Variants in TMEM132D observed in about 807,000 individuals in gnomAD.
TMEM132D encodes the protein transmembrane protein 132D, also known as mature OL transmembrane protein.
Under a neutral mutation model 62.3 loss-of-function variants are expected in TMEM132D, and 21 were observed. The observed-to-expected ratio is 0.34, with a 90% CI of 0.24 to 0.49. TMEM132D has a LOEUF of 0.49. Among genes scored for constraint, TMEM132D ranks in the 20% least tolerant of loss-of-function variants. TMEM132D has a pLI of 0.99. For synonymous variants in TMEM132D, 621 were observed against 575.6 expected (o/e 1.08, Z -1.13); for missense variants, 1,346 against 1,402.8 (o/e 0.96, Z 0.65).
chr12:129,817,595 GT>G (rs1435015699), intron 1 of TMEM132D, among the ~76,000 whole-genome samples: 2 of 10,198 alleles, frequency 2.0e-4, no homozygotes, highest in South Asian at 3.6e-3. Flanking sequence ...ATAAGATGGT[GT>G]GTGTGTGTGT....
intron 3 of TMEM132D, among the ~76,000 whole-genome samples, chr12:129,454,197 C>G (rs1293850551): frequency 6.6e-6 from 1 of 152,196 alleles, no homozygotes; most frequent in Non-Finnish European, 1.5e-5. Flanking sequence ...ATGCACTTAA[C>G]TGAATGACAG....
At position 129,087,935 on chromosome 12, in the gene TMEM132D, C is replaced by T. The variant is rs1413458287; in HGVS notation, c.1444-3233G>A. Among the ~76,000 whole-genome samples, 119 of 98,774 alleles carry T rather than the reference C, an allele frequency of 1.2e-3. 3 individuals are homozygous for T. Among genetic ancestry groups the T allele is most frequent in the African/African-American group, 4.7e-3 (112 of 23,704 alleles). 64.8% of individuals were successfully genotyped at this position (98,774 alleles called of 152,430 possible). A position where few individuals can be genotyped will look rare whatever the true frequency, so the allele number is the denominator to read the frequency against. On this transcript the variant is annotated intron_variant, in intron 5 of 8. Coordinates refer to ENST00000422113, the MANE Select transcript of TMEM132D (RefSeq NM_133448.3). ...GGTGTCCTCCCTGACCGGGTGTCCT[C>T]CATGACCGGGGTGTCCTCCCTGACC...
intron 2 of TMEM132D, among the ~76,000 whole-genome samples, chr12:129,564,709 AC>A (rs1877321245): frequency 6.6e-6 from 1 of 152,196 alleles, no homozygotes; most frequent in African/African-American, 2.4e-5. Flanking sequence ...TCCTGAGGGA[AC>A]CCCAAGATAT....
intron 5 of TMEM132D, among the ~76,000 whole-genome samples, chr12:129,101,994 T>A (rs1875325143): frequency 7.1e-6 from 1 of 141,124 alleles, no homozygotes; most frequent in Admixed American, 6.6e-5. Flanking sequence ...GTTTTTTTTT[T>A]TTTTTCTCTC....
chr12:129,576,744 A>G (rs1030573162), intron 2 of TMEM132D, among the ~76,000 whole-genome samples: 5 of 151,860 alleles, frequency 3.3e-5, no homozygotes, highest in Non-Finnish European at 5.9e-5. Context: ...CCTACTGTTG[A>G]TGGGTAGCCT....
At chr12:129,547,556 G>A (rs116487326) in intron 2 of TMEM132D, among the ~76,000 whole-genome samples, 62 of 152,256 alleles carry the variant, frequency 4.1e-4, no homozygotes, top group African/African-American at 1.4e-3. Context: ...CCTCAACACC[G>A]GTCATTTCAG....
At chr12:129,075,964 C>G (rs915892300) in intron 8 of TMEM132D, among the ~76,000 whole-genome samples, 1 of 151,984 alleles carries the variant, frequency 6.6e-6, no homozygotes, top group Admixed American at 6.5e-5. Context: ...GCCCCAAGCC[C>G]GAGATGATGA....
At chr12:129,079,117 G>GT (rs1423060712) in intron 7 of TMEM132D, among the ~76,000 whole-genome samples, 1 of 152,070 alleles carries the variant, frequency 6.6e-6, no homozygotes, top group Non-Finnish European at 1.5e-5. Context: ...TAAATGATTT[G>GT]TTTTTTTCAA....
intron 4 of TMEM132D, among the ~76,000 whole-genome samples, chr12:129,330,790 G>A (rs1869079248): frequency 6.6e-6 from 1 of 152,186 alleles, no homozygotes; most frequent in Admixed American, 6.5e-5. Context: ...AAATCGCCCA[G>A]TGTCAGGCAT....
chr12:129,655,686 C>T (rs1880054001), intron 2 of TMEM132D, among the ~76,000 whole-genome samples: 1 of 152,074 alleles, frequency 6.6e-6, no homozygotes, highest in Non-Finnish European at 1.5e-5. Context: ...CTCCCAGCCA[C>T]TGCAACAAAG....
intron 5 of TMEM132D, among the ~76,000 whole-genome samples, chr12:129,190,008 A>T (rs1228119866): frequency 6.6e-6 from 1 of 151,972 alleles, no homozygotes; most frequent in Non-Finnish European, 1.5e-5. Context: ...AGACTAGAGG[A>T]AAAAAGTCAG....
At chr12:129,583,694 C>T (rs538380592) in intron 2 of TMEM132D, among the ~76,000 whole-genome samples, 1 of 152,162 alleles carries the variant, frequency 6.6e-6, no homozygotes, top group South Asian at 2.1e-4. Context: ...GGGGGGTGAG[C>T]TTGCCTTAGA....
In TMEM132D at chr12:129,637,201, T is replaced by C. The variant is rs1879505981; in HGVS notation, c.968+62609A>G. 2.0e-5 allele frequency among the ~76,000 whole-genome samples: 3 copies of C among 152,230 alleles called. No homozygotes were observed. In the South Asian group the frequency reaches 6.2e-4, roughly 31 times the overall value. On this transcript the variant is annotated intron_variant, in intron 2 of 8. Coordinates refer to ENST00000422113, the MANE Select transcript of TMEM132D (RefSeq NM_133448.3). ...ATGTCAACCTTATTGAAATAGAAATTACTCTGTTCATTTGTTTCAGGTATG... is the reference window on the plus strand; with the variant it reads ...ATGTCAACCTTATTGAAATAGAAATCACTCTGTTCATTTGTTTCAGGTATG...
chr12:129,528,756 A>G (rs774452575), intron 3 of TMEM132D, among the ~76,000 whole-genome samples: 4 of 152,254 alleles, frequency 2.6e-5, no homozygotes, highest in Non-Finnish European at 5.9e-5. Flanking sequence ...ATCAAATTGA[A>G]CAAACATTTA....
intron 4 of TMEM132D, among the ~76,000 whole-genome samples, chr12:129,231,974 G>T (rs535402008): frequency 6.6e-5 from 10 of 152,250 alleles, no homozygotes; most frequent in African/African-American, 2.4e-4. Flanking sequence ...TCTGGGGAGT[G>T]GGACACAGGC....
At chr12:129,871,520 A>T (rs966881265) in intron 1 of TMEM132D, among the ~76,000 whole-genome samples, 7 of 152,078 alleles carry the variant, frequency 4.6e-5, no homozygotes, top group African/African-American at 1.7e-4. Context: ...GTTTTCTGTC[A>T]CTTGCATCTG....
At chr12:129,761,039 GA>G (rs138226014) in intron 1 of TMEM132D, among the ~76,000 whole-genome samples, 24 of 148,000 alleles carry the variant, frequency 1.6e-4, no homozygotes, top group East Asian at 1.2e-3. Context: ...GTGGGGAAAA[GA>G]AAAAAAAAAC....
chr12:129,593,288 C>T (rs1219851354), intron 2 of TMEM132D, among the ~76,000 whole-genome samples: 1 of 152,160 alleles, frequency 6.6e-6, no homozygotes, highest in Non-Finnish European at 1.5e-5. Flanking sequence ...AAGTAACTTT[C>T]TTCAATGGCA....
At chr12:129,294,902 A>G (rs930363204) in intron 4 of TMEM132D, among the ~76,000 whole-genome samples, 7 of 152,142 alleles carry the variant, frequency 4.6e-5, no homozygotes, top group Non-Finnish European at 8.8e-5. Flanking sequence ...ATAAATAATC[A>G]TTTCCTATTG....
Sources: gnomAD v4.1 joint callset for allele counts (sites outside exome capture counted in the v4.1 genomes callset) on GRCh38, gnomAD v4.1.1 for gene constraint, MANE v1.5 for transcripts, NCBI Gene and HGNC (gene_info 2026-07-23, HGNC 2026-07-21) for gene names.